Variants in PEMT observed in about 807,000 individuals in gnomAD.
The protein encoded by PEMT is phospholipid methyltransferase.
A neutral mutation model predicts 27.4 loss-of-function variants in PEMT; 23 were observed. The ratio of observed to expected loss-of-function variants is 0.84; its 90% confidence interval spans 0.60 to 1.19. PEMT has a LOEUF of 1.19. Among genes scored for constraint, PEMT ranks in the 50% most tolerant of loss-of-function variants. PEMT has a pLI of 0.00. For missense variants in PEMT, 307 were observed against 310.1 expected (o/e 0.99, Z 0.07); for synonymous variants, 137 against 139.1 (o/e 0.98, Z 0.11).
chr17:17,576,854 C>T lies in PEMT; in HGVS notation c.204+66G>A. 3 of 1,306,730 alleles carry T rather than the reference C, an allele frequency of 2.3e-6. No individual in the cohort carries two copies. The South Asian group carries it at 3.5e-5, about 15-fold the overall frequency. The allele number at this position is 1,306,730 out of a possible 1,614,324, so 80.9% of individuals were successfully genotyped here. A position where few individuals can be genotyped will look rare whatever the true frequency, so the allele number is the denominator to read the frequency against. ...CAGCCAGCAGCAACCACCGCGATCC[C>T]CTGCATGTGGGGCTCACCAAGCAGT... is the stretch of plus-strand genomic sequence containing the variant. On this transcript the variant is annotated intron_variant, in intron 2 of 6. Transcript: ENST00000255389.
chr17:17,591,838 A>G (rs1475089390), upstream of PEMT: 15 of 1,388,232 alleles, frequency 1.1e-5, no homozygotes, highest in African/African-American at 7.4e-5. Flanking sequence ...GCCGAGAACT[A>G]CAAGTCCCAG....
rs546295986 is a variant in PEMT, at chr17:17,513,564, T to C, written c.321-910A>G. 2.6e-5 allele frequency among the ~76,000 whole-genome samples: 4 copies of C among 151,820 alleles called. No homozygotes were observed. Among genetic ancestry groups the C allele is most frequent in the South Asian group, 2.1e-4 (1 of 4,796 alleles). ...CACCACTGCACTCCAGCCTGGGCAATAGAGCGAGACTTAGTATCAAAAGAA... is the reference window on the plus strand; with the variant it reads ...CACCACTGCACTCCAGCCTGGGCAACAGAGCGAGACTTAGTATCAAAAGAA... On this transcript the variant is annotated intron_variant, in intron 3 of 6. Coordinates refer to ENST00000255389, the MANE Select transcript of PEMT (RefSeq NM_148172.3). This position sits in a 1 kb window ranked among gnomAD's most constrained non-coding sequence, Gnocchi z 4.1.
chr17:17,591,457 C>G (rs1912584501), intron 1 of PEMT, 74 bp downstream of exon 1: 3 of 1,270,552 alleles, frequency 2.4e-6, no homozygotes, highest in Non-Finnish European at 3.3e-6. Flanking sequence ...GTTTGAGGCG[C>G]CGCAAGCCTT....
intron 2 of PEMT, among the ~76,000 whole-genome samples, chr17:17,524,265 G>A (rs1907507302): frequency 6.6e-6 from 1 of 152,194 alleles, no homozygotes; most frequent in Admixed American, 6.5e-5. Context: ...GTGTTTTGTG[G>A]ATGTGTGTTT....
chr17:17,528,467 T>TA (rs1263108959), intron 2 of PEMT, among the ~76,000 whole-genome samples: 1 of 152,198 alleles, frequency 6.6e-6, no homozygotes. Context: ...GAATGATGGA[T>TA]ACATCAGCGC....
At chr17:17,574,061 G>A (rs1269507996) in intron 2 of PEMT, among the ~76,000 whole-genome samples, 3 of 151,756 alleles carry the variant, frequency 2.0e-5, no homozygotes, top group South Asian at 2.1e-4. Context: ...GCTGGGCCTC[G>A]TCATCCCATT....
At chr17:17,578,622 T>G (rs770469466) in intron 1 of PEMT, 2 of 152,152 alleles carry the variant, frequency 1.3e-5, no homozygotes, top group African/African-American at 4.8e-5. Flanking sequence ...ATAAAATAAG[T>G]GTAAAGTTGT....
In PEMT at chr17:17,561,270, G is replaced by A. The variant is rs1252418319; in HGVS notation, c.204+15650C>T. On this transcript the variant is annotated intron_variant, in intron 2 of 6. Transcript: ENST00000255389. The surrounding 1 kb of genome is among the most constrained non-coding windows in gnomAD (Gnocchi z 4.5). ...TGTCACATCCTCACACGACCCAGGA[G>A]GTGGAACCTACAGGTAACCCTCTTT... Among the ~76,000 whole-genome samples the A allele has an allele frequency of 1.3e-5, 2 of 152,322 alleles. No homozygotes were observed. The highest frequency in any genetic ancestry group is 3.9e-4 in the East Asian group (2 of 5,176).
intron 3 of PEMT, among the ~76,000 whole-genome samples, chr17:17,514,386 A>G (rs1033446534): frequency 1.3e-4 from 20 of 152,352 alleles, no homozygotes; most frequent in African/African-American, 4.3e-4. Context: ...ACTGGAGAGA[A>G]GCAGTAGCCG....
At chr17:17,510,880 G>A (rs528278840) in intron 4 of PEMT, among the ~76,000 whole-genome samples, 4 of 152,212 alleles carry the variant, frequency 2.6e-5, no homozygotes, top group East Asian at 1.9e-4. Context: ...GAGGGCCCCC[G>A]CCGCTGGTCT....
rs574220080 is a variant in PEMT, at chr17:17,582,339, T to G, written c.97-5312A>C. The G allele has an allele frequency of 1.4e-5, 14 of 985,352 alleles. No individual in the cohort carries two copies. In the South Asian group the frequency reaches 6.1e-4, roughly 43 times the overall value. The allele number at this position is 985,352 out of a possible 1,614,324, so 61.0% of individuals were successfully genotyped here. ...GGTCACCGACGAATAGCCTCAGCTG[T>G]TAACACCCCAAAGCATGGGTAAGGA... On this transcript the variant is annotated intron_variant, in intron 1 of 6. Transcript: ENST00000255389. The surrounding 1 kb of genome is among the most constrained non-coding windows in gnomAD (Gnocchi z 4.9).
At chr17:17,547,423 G>A (rs184488679) in intron 2 of PEMT, among the ~76,000 whole-genome samples, 176 of 152,344 alleles carry the variant, frequency 1.2e-3, no homozygotes, top group Non-Finnish European at 2.3e-3. Flanking sequence ...CCAGAGATGC[G>A]CTCGCCAAAG....
chr17:17,507,137 C>T, intron 5 of PEMT: 1 of 1,553,932 alleles, frequency 6.4e-7, no homozygotes, highest in South Asian at 1.2e-5. Flanking sequence ...TAGCTGCCGT[C>T]AAGCTGTCCC....
rs1411443198 is a variant in PEMT at position 17,576,923 on chromosome 17, A to T, written c.201T>A (p.Asn67Lys). 6.2e-7 allele frequency: 1 copy of T among 1,612,372 alleles called. No individual in the cohort carries two copies. The change falls in exon 2 of 7, where the codon AAT (asparagine) becomes AAA (lysine). Residue 67 changes from asparagine (N) to lysine (K), a missense_variant. Coordinates refer to ENST00000255389, the MANE Select transcript of PEMT (RefSeq NM_148172.3). ...CAGTGTCAGGCACATCACTTACCAC[A>T]TTCCAGTAGAGCGGATTGAAGGTGA... ...ITITFNPLYW[N>K]VVARWEHKTR...
intron 2 of PEMT, 114 bp downstream of exon 2, chr17:17,576,806 G>A: frequency 1.2e-6 from 1 of 801,530 alleles, no homozygotes; most frequent in Non-Finnish European, 2.2e-6. Context: ...GGAGGGAAGA[G>A]CAGAGCTGTC....
chr17:17,537,588 T>C (rs1908573448), intron 2 of PEMT, among the ~76,000 whole-genome samples: 1 of 152,232 alleles, frequency 6.6e-6, no homozygotes, highest in Non-Finnish European at 1.5e-5. Context: ...TGATTAGTCA[T>C]GCTCTGCACG....
intron 2 of PEMT, among the ~76,000 whole-genome samples, chr17:17,545,111 A>G (rs1250556214): frequency 6.6e-6 from 1 of 152,150 alleles, no homozygotes; most frequent in African/African-American, 2.4e-5. Flanking sequence ...TTGCCGGGCC[A>G]CACCCTATTT....
intron 1 of PEMT, 49 bp downstream of exon 1, chr17:17,591,482 C>G (rs1429080195): frequency 1.3e-6 from 2 of 1,485,022 alleles, no homozygotes; most frequent in Non-Finnish European, 1.9e-6. Flanking sequence ...CCCCTCGGGC[C>G]TTGCAGATCC....
chr17:17,528,156 G>A (rs1907829798), intron 2 of PEMT, among the ~76,000 whole-genome samples: 2 of 152,210 alleles, frequency 1.3e-5, no homozygotes, highest in African/African-American at 2.4e-5. Flanking sequence ...CGTGGGCCGT[G>A]CGCCAGCACA....
Sources: allele counts gnomAD v4.1 joint callset (sites outside exome capture counted in the v4.1 genomes callset), GRCh38; gene constraint gnomAD v4.1.1; non-coding constraint Gnocchi (gnomAD v3.1); transcripts MANE v1.5; gene names NCBI Gene and HGNC (gene_info 2026-07-23, HGNC 2026-07-21).